Variants in SLC5A3 observed in about 807,000 individuals in gnomAD.
SLC5A3 encodes the protein solute carrier family 5 member 3.
A neutral mutation model predicts 43.2 loss-of-function variants in SLC5A3; 10 were observed. The observed-to-expected ratio is 0.23, with a 90% CI of 0.14 to 0.39. The LOEUF (loss-of-function observed/expected upper bound fraction) is 0.39. Ranked by LOEUF, SLC5A3 falls within the 10% of genes least tolerant of loss-of-function variation. The pLI is 1.00. For missense variants in SLC5A3, 608 were observed against 893.4 expected (o/e 0.68, Z 4.07); for synonymous variants, 349 against 322.0 (o/e 1.08, Z -0.90).
intron 1 of SLC5A3, among the ~76,000 whole-genome samples, chr21:34,085,398 G>A (rs1358687912): frequency 6.6e-6 from 1 of 152,080 alleles, no homozygotes; most frequent in Non-Finnish European, 1.5e-5. Flanking sequence ...CACCAGAATG[G>A]GCCATTGTAA....
Position 34,096,710 on chromosome 21 carries a change from C to T in SLC5A3, c.1512C>T (p.Gly504=). The T allele has an allele frequency of 6.2e-7, 1 of 1,614,058 alleles. No homozygotes were observed. Among genetic ancestry groups the T allele is most frequent in the South Asian group, 1.1e-5 (1 of 91,084 alleles). ...GTGACCAACCTGATAATAGGCCGGG[C>T]TTCATCAAAGACATCCATTATATGT... ...PECDQPDNRP[G]FIKDIHYMYV... Residue 504 remains glycine (G), a synonymous_variant, in exon 2 of 2, where the codon GGC becomes GGT. Transcript: ENST00000381151. The surrounding 1 kb of genome is among the most constrained non-coding windows in gnomAD (Gnocchi z 5.9).
chr21:34,082,979 A>C (rs1332755167), intron 1 of SLC5A3, among the ~76,000 whole-genome samples: 1 of 152,228 alleles, frequency 6.6e-6, no homozygotes, highest in Admixed American at 6.5e-5. Flanking sequence ...GTGAAAGCAC[A>C]GACTTAGCAA....
chr21:34,103,398 T>C lies in SLC5A3; in HGVS notation c.*6043T>C. The stretch of plus-strand genomic sequence containing the variant: ...GGTTCAGTGAAACCAGGTAGTTCTG[T>C]ATTTGTGTTGTAGCCTAAATGTTGT... On this transcript the variant is annotated 3_prime_UTR_variant, in exon 2 of 2. Transcript: ENST00000381151. 4 of 997,914 alleles carry C rather than the reference T, an allele frequency of 4.0e-6. No individual in the cohort carries two copies. Among genetic ancestry groups the C allele is most frequent in the Non-Finnish European group, 4.8e-6 (4 of 827,906 alleles). The allele number at this position is 997,914 out of a possible 1,614,324, so 61.8% of individuals were successfully genotyped here. A position where few individuals can be genotyped will look rare whatever the true frequency, so the allele number is the denominator to read the frequency against.
chr21:34,103,596 T>G lies in SLC5A3; in HGVS notation c.*6241T>G, dbSNP rs539768498. On this transcript the variant is annotated 3_prime_UTR_variant, in exon 2 of 2. Transcript: ENST00000381151. ...GCACAAAATCGTGTTCACACATTAG[T>G]GTACCCACACATAGAAAGCACAAGA... 1.0e-6 allele frequency: 1 copy of G among 1,000,200 alleles called. No homozygotes were observed. The highest frequency in any genetic ancestry group is 4.7e-5 in the South Asian group (1 of 21,288). 62.0% of individuals were successfully genotyped at this position (1,000,200 alleles called of 1,614,324 possible).
At position 34,100,506 on chromosome 21, in the gene SLC5A3, C is replaced by T. The variant is rs958784404; in HGVS notation, c.*3151C>T. Reference sequence around the variant, plus strand: ...GTCCTTCGGCCTAAATTCAATAGATCTCATCTCCTAGGGCTTCCTTTTCAC... The same window carrying T: ...GTCCTTCGGCCTAAATTCAATAGATTTCATCTCCTAGGGCTTCCTTTTCAC... On this transcript the variant is annotated 3_prime_UTR_variant, in exon 2 of 2. Transcript: ENST00000381151. 10 of 1,000,118 alleles carry T rather than the reference C, an allele frequency of 1.0e-5. No individual in the cohort carries two copies. Among genetic ancestry groups the T allele is most frequent in the Non-Finnish European group, 1.2e-5 (10 of 829,984 alleles). 62.0% of individuals were successfully genotyped at this position (1,000,118 alleles called of 1,614,324 possible).
rs184874837 is a variant in SLC5A3, at chr21:34,103,157, A to G, written c.*5802A>G. The G allele has an allele frequency of 2.0e-5, 20 of 999,824 alleles. No homozygotes were observed. The highest frequency in any genetic ancestry group is 1.2e-6 in the Non-Finnish European group (1 of 829,628). The allele number at this position is 999,824 out of a possible 1,614,324, so 61.9% of individuals were successfully genotyped here. A position where few individuals can be genotyped will look rare whatever the true frequency, so the allele number is the denominator to read the frequency against. ...CCCAAACTGGCAAAGGCCAGTATAT[A>G]TGGTATTCCATAATATAACCAGCTT... On this transcript the variant is annotated 3_prime_UTR_variant, in exon 2 of 2. Transcript: ENST00000381151.
chr21:34,091,278 T>C (rs1048217612), intron 1 of SLC5A3, among the ~76,000 whole-genome samples: 5 of 152,142 alleles, frequency 3.3e-5, no homozygotes, highest in African/African-American at 1.2e-4. Flanking sequence ...CCCTGTGTCA[T>C]TGAACTTATG....
At position 34,101,537 on chromosome 21, in the gene SLC5A3, T is replaced by TA; in HGVS notation, c.*4183dup. ...GTTTCTATATGTGTATATGCCCACT[T>TA]ACCATTCAGAGAGACTGGTCTTTCT... On this transcript the variant is annotated 3_prime_UTR_variant, in exon 2 of 2. Transcript: ENST00000381151. The TA allele has an allele frequency of 2.0e-6, 2 of 1,000,188 alleles. No individual in the cohort carries two copies. Among genetic ancestry groups the TA allele is most frequent in the Non-Finnish European group, 2.4e-6 (2 of 829,924 alleles). 62.0% of individuals were successfully genotyped at this position (1,000,188 alleles called of 1,614,324 possible). A position where few individuals can be genotyped will look rare whatever the true frequency, so the allele number is the denominator to read the frequency against.
intron 1 of SLC5A3, among the ~76,000 whole-genome samples, chr21:34,086,149 ATTC>A (rs1319265724): frequency 2.0e-5 from 3 of 152,236 alleles, no homozygotes; most frequent in East Asian, 3.9e-4. Context: ...GTTTATATAT[ATTC>A]TTCTATTCCA....
At chr21:34,092,497 T>C (rs1978754472) in intron 1 of SLC5A3, among the ~76,000 whole-genome samples, 2 of 152,212 alleles carry the variant, frequency 1.3e-5, no homozygotes, top group Non-Finnish European at 2.9e-5. Context: ...TACTATTTGG[T>C]ACCTCTCCTG....
chr21:34,105,255 C>T lies in SLC5A3; in HGVS notation c.*7900C>T. 1.0e-6 allele frequency: 1 copy of T among 1,000,250 alleles called. No individual in the cohort carries two copies. Among genetic ancestry groups the T allele is most frequent in the Non-Finnish European group, 1.2e-6 (1 of 829,988 alleles). 62.0% of individuals were successfully genotyped at this position (1,000,250 alleles called of 1,614,324 possible). A position where few individuals can be genotyped will look rare whatever the true frequency, so the allele number is the denominator to read the frequency against. ...CTTGGACATCCCATTTTCTTTTGTCCAGACCCATGTTGGCAATCATGTATG... is the reference window on the plus strand; with the variant it reads ...CTTGGACATCCCATTTTCTTTTGTCTAGACCCATGTTGGCAATCATGTATG... On this transcript the variant is annotated 3_prime_UTR_variant, in exon 2 of 2. Coordinates refer to ENST00000381151, the MANE Select transcript of SLC5A3 (RefSeq NM_006933.7).
At chr21:34,089,072 G>A (rs1978548661) in intron 1 of SLC5A3, among the ~76,000 whole-genome samples, 1 of 152,098 alleles carries the variant, frequency 6.6e-6, no homozygotes, top group Admixed American at 6.5e-5. Flanking sequence ...TGTTGCCCAG[G>A]CTGGAGTGCA....
In SLC5A3 at chr21:34,097,555, A is replaced by G; in HGVS notation, c.*200A>G. 1 of 1,356,620 alleles carries G rather than the reference A, an allele frequency of 7.4e-7. No homozygotes were observed. The highest frequency in any genetic ancestry group is 2.9e-5 in the East Asian group (1 of 34,304). 84.0% of individuals were successfully genotyped at this position (1,356,620 alleles called of 1,614,324 possible). A position where few individuals can be genotyped will look rare whatever the true frequency, so the allele number is the denominator to read the frequency against. On this transcript the variant is annotated 3_prime_UTR_variant, in exon 2 of 2. Transcript: ENST00000381151. ...TAAATCTTCAACTTAAGTGAAGCCA[A>G]ACCTAACAGACTGAATTGTGCAAAT... is the stretch of plus-strand genomic sequence containing the variant.
intron 1 of SLC5A3, among the ~76,000 whole-genome samples, chr21:34,085,812 T>C (rs895617899): frequency 2.6e-5 from 4 of 152,032 alleles, no homozygotes; most frequent in Non-Finnish European, 4.4e-5. Flanking sequence ...CCGTGTTAGC[T>C]AGGGTGGTCT....
At chr21:34,078,539 A>G (rs1989386725) in intron 1 of SLC5A3, among the ~76,000 whole-genome samples, 1 of 152,164 alleles carries the variant, frequency 6.6e-6, no homozygotes, top group Non-Finnish European at 1.5e-5. Flanking sequence ...GATTTTAAAA[A>G]TCTAGGTTAT....
chr21:34,104,047 C>T lies in SLC5A3; in HGVS notation c.*6692C>T, dbSNP rs1421591728. The T allele has an allele frequency of 1.0e-6, 1 of 999,936 alleles. No individual in the cohort carries two copies. Among genetic ancestry groups the T allele is most frequent in the Admixed American group, 6.2e-5 (1 of 16,238 alleles). 61.9% of individuals were successfully genotyped at this position (999,936 alleles called of 1,614,324 possible). On this transcript the variant is annotated 3_prime_UTR_variant, in exon 2 of 2. Transcript: ENST00000381151. ...GTGCCCCCCCAAACATGCAGAAAGT[C>T]ATACTTTAACAGGGCAAATACTACT...
rs746392853 is a variant in SLC5A3 at position 34,095,618 on chromosome 21, G to A, written c.420G>A (p.Ser140=). The A allele has an allele frequency of 6.2e-6, 10 of 1,613,642 alleles. No individual in the cohort carries two copies. The highest frequency in any genetic ancestry group is 1.1e-5 in the South Asian group (1 of 91,032). The change falls in exon 2 of 2, where the codon TCG becomes TCA. Residue 140 remains serine, a synonymous_variant. Coordinates refer to ENST00000381151, the MANE Select transcript of SLC5A3 (RefSeq NM_006933.7). ...TTCTCTATATTTTCACCAAGCTCTC[G>A]GTGGATCTGTATTCGGGTGCCCTTT... The part of the protein sequence containing the change: ...SLILYIFTKL[S]VDLYSGALFI...
At chr21:34,093,772 A>AT (rs1978830406) in intron 1 of SLC5A3, among the ~76,000 whole-genome samples, 1 of 152,208 alleles carries the variant, frequency 6.6e-6, no homozygotes, top group Non-Finnish European at 1.5e-5. Context: ...AAGCCGTCAA[A>AT]TTTTAATACA....
In SLC5A3 at chr21:34,103,243, C is replaced by G; in HGVS notation, c.*5888C>G. On this transcript the variant is annotated 3_prime_UTR_variant, in exon 2 of 2. Coordinates refer to ENST00000381151, the MANE Select transcript of SLC5A3 (RefSeq NM_006933.7). ...TACCAGTATTGACTCTGCTAGTTTG[C>G]ACCTTTCCGTTCTTAACAGAAAATT... 2.0e-6 allele frequency: 2 copies of G among 999,118 alleles called. No individual in the cohort carries two copies. The highest frequency in any genetic ancestry group is 9.4e-5 in the South Asian group (2 of 21,258). The allele number at this position is 999,118 out of a possible 1,614,324, so 61.9% of individuals were successfully genotyped here.
Sources: gnomAD v4.1 joint callset for allele counts (sites outside exome capture counted in the v4.1 genomes callset) on GRCh38, gnomAD v4.1.1 for gene constraint, Gnocchi (gnomAD v3.1) non-coding constraint, MANE v1.5 for transcripts, NCBI Gene and HGNC (gene_info 2026-07-23, HGNC 2026-07-21) for gene names.